Variants in NBPF11 observed in about 807,000 individuals in gnomAD.
NBPF11 encodes the protein NBPF family member NBPF11.
A neutral mutation model predicts 93.9 loss-of-function variants in NBPF11; 72 were observed. That is an observed-to-expected ratio of 0.77 (90% CI 0.63 to 0.93). The LOEUF is 0.93. Among genes scored for constraint, NBPF11 ranks in the 40% least tolerant of loss-of-function variants. The pLI is 0.00. For synonymous variants in NBPF11, 224 were observed against 304.9 expected (o/e 0.73, Z 2.76); for missense variants, 705 against 802.2 (o/e 0.88, Z 1.46).
rs1451631556 is a variant in NBPF11 at position 148,103,701 on chromosome 1, C to A, written c.*195G>T. The A allele has an allele frequency of 3.7e-6, 6 of 1,611,200 alleles. No individual in the cohort carries two copies. In the African/African-American group the frequency reaches 6.7e-5, roughly 18 times the overall value. ...GGGAATATGACTCCCATCTGGAAGA[C>A]CAGGTGGAGACTTCTCACCGTCAAA... is the stretch of plus-strand genomic sequence containing the variant. On this transcript the variant is annotated 3_prime_UTR_variant, in exon 24 of 24. Coordinates refer to ENST00000682118, the MANE Select transcript of NBPF11 (RefSeq NM_001385469.3).
At position 148,124,000 on chromosome 1, in the gene NBPF11, CT is replaced by C. The variant is rs1668504942; in HGVS notation, c.345del (p.Arg117GlufsTer7). On this transcript the variant is annotated frameshift_variant, in exon 7 of 24. Transcript: ENST00000682118. LOFTEE classifies it high-confidence loss of function. ...ELTQLREKLR[E>X]GRDASRSLNE... The stretch of plus-strand genomic sequence containing the variant: ...TTCAATGAGCGGGAGGCATCTCTCC[CT>C]TCCCGTAACTTCTCCCTTAACTGGG... 1 of 1,584,776 alleles carries C rather than the reference CT, an allele frequency of 6.3e-7. No homozygotes were observed. Among genetic ancestry groups the C allele is most frequent in the Non-Finnish European group, 8.7e-7 (1 of 1,155,516 alleles).
intron 7 of NBPF11, among the ~76,000 whole-genome samples, chr1:148,123,583 TC>T (rs1201697791): frequency 2.0e-5 from 3 of 151,396 alleles, no homozygotes; most frequent in Admixed American, 2.0e-4. Flanking sequence ...CATCACAGCC[TC>T]CTTCCTGTCC....
intron 6 of NBPF11, 113 bp from the exon 7 acceptor site, chr1:148,124,180 G>T (rs1455287519): frequency 6.2e-5 from 48 of 771,886 alleles, no homozygotes; most frequent in Non-Finnish European, 9.5e-5. Flanking sequence ...CAAGCAGAAG[G>T]TCAGCACATG....
chr1:148,143,969 A>G (rs2149299021), intron 1 of NBPF11, among the ~76,000 whole-genome samples: 1 of 150,326 alleles, frequency 6.7e-6, no homozygotes, highest in Admixed American at 6.6e-5. Flanking sequence ...CTGAGGCAGG[A>G]GGATTCCTTG....
chr1:148,149,265 A>G (rs1647609615), intron 1 of NBPF11: 1 of 1,595,512 alleles, frequency 6.3e-7, no homozygotes, highest in Non-Finnish European at 8.5e-7. Flanking sequence ...GTGGTGCTGC[A>G]CTCGCCGCTC....
intron 3 of NBPF11, among the ~76,000 whole-genome samples, chr1:148,136,765 A>G (rs1250516634): frequency 6.6e-6 from 1 of 151,820 alleles, no homozygotes; most frequent in Non-Finnish European, 1.5e-5. Context: ...CACATTAGGG[A>G]CAGATAAGCT....
chr1:148,110,269 C>A (rs1431761320), intron 16 of NBPF11, 109 bp downstream of exon 16: 30 of 1,438,150 alleles, frequency 2.1e-5, no homozygotes, highest in Middle Eastern at 2.5e-4. Context: ...TAGGTTCAGC[C>A]CACAGTGATG....
In NBPF11 at chr1:148,126,735, TAGA is replaced by T. The variant is rs1411034030; in HGVS notation, c.175+91_175+93del. 3 of 942,766 alleles carry T rather than the reference TAGA, an allele frequency of 3.2e-6. No homozygotes were observed. In the African/African-American group the frequency reaches 4.9e-5, roughly 15 times the overall value. The allele number at this position is 942,766 out of a possible 1,614,324, so 58.4% of individuals were successfully genotyped here. A position where few individuals can be genotyped will look rare whatever the true frequency, so the allele number is the denominator to read the frequency against. On this transcript the variant is annotated intron_variant, in intron 5 of 23. Transcript: ENST00000682118. ...GTTAAAATACCCATTTCTGTTTTCC[TAGA>T]AGTACAGGAAGGATGAAATTATTTT...
chr1:148,121,399 G>C lies in NBPF11; in HGVS notation c.778+656C>G, dbSNP rs1396863675. On this transcript the variant is annotated intron_variant, in intron 9 of 23. Coordinates refer to ENST00000682118, the MANE Select transcript of NBPF11 (RefSeq NM_001385469.3). The stretch of plus-strand genomic sequence containing the variant: ...GTCTCGCTCTGTCTCCCAGGCTGGA[G>C]TGCAGTGCCACAGTCTCGGCTCACT... 3.4e-4 allele frequency among the ~76,000 whole-genome samples: 49 copies of C among 143,552 alleles called. 1 individual carries two copies. The East Asian group carries it at 8.8e-3, about 26-fold the overall frequency. 94.2% of individuals were successfully genotyped at this position (143,552 alleles called of 152,430 possible). A position where few individuals can be genotyped will look rare whatever the true frequency, so the allele number is the denominator to read the frequency against.
chr1:148,137,335 C>A (rs2746956), intron 3 of NBPF11, among the ~76,000 whole-genome samples: 1 of 149,396 alleles, frequency 6.7e-6, no homozygotes, highest in Non-Finnish European at 1.5e-5. Flanking sequence ...TCAGAGTAGA[C>A]TGTCTCCCCG....
intron 5 of NBPF11, among the ~76,000 whole-genome samples, chr1:148,126,429 G>T (rs1335879305): frequency 1.3e-5 from 2 of 151,332 alleles, no homozygotes; most frequent in African/African-American, 4.9e-5. Flanking sequence ...CTAGAACAGA[G>T]CTTTGCCTGT....
chr1:148,105,498 C>T lies in NBPF11; in HGVS notation c.2334G>A (p.Glu778=). The T allele has an allele frequency of 9.7e-7, 1 of 1,032,018 alleles. No homozygotes were observed. Among genetic ancestry groups the T allele is most frequent in the Non-Finnish European group, 1.5e-6 (1 of 689,522 alleles). 63.9% of individuals were successfully genotyped at this position (1,032,018 alleles called of 1,614,324 possible). Residue 778 remains glutamate (E), a synonymous_variant, in exon 22 of 24, where the codon GAG becomes GAA. Transcript: ENST00000682118. ...RLSRELLEVV[E]PEVLQDSLDV... ...CCAGTGAGTCCTGCAAGACTTCAGGCTCTACTACCTCCAGCAGCTCCCTGC... is the reference window on the plus strand; with the variant it reads ...CCAGTGAGTCCTGCAAGACTTCAGGTTCTACTACCTCCAGCAGCTCCCTGC...
chr1:148,122,618 T>A (rs1411254515), intron 8 of NBPF11, 111 bp downstream of exon 8: 57 of 1,476,502 alleles, frequency 3.9e-5, no homozygotes, highest in Non-Finnish European at 5.2e-5. Context: ...TCACATACTG[T>A]GGCCAAGGGA....
intron 23 of NBPF11, 43 bp downstream of exon 23, chr1:148,104,494 G>A (rs1663052748): frequency 1.7e-6 from 1 of 588,378 alleles, no homozygotes; most frequent in African/African-American, 2.1e-5. Context: ...GTTGCCTCCA[G>A]GTGTTAACAC....
intron 9 of NBPF11, among the ~76,000 whole-genome samples, chr1:148,121,824 G>A (rs58545050): frequency 0.012 from 1,787 of 151,934 alleles, 32 homozygotes; most frequent in African/African-American, 0.041. Context: ...TGTATTCTTC[G>A]TAAAGATGGG....
chr1:148,116,254 C>A (rs1666510749), intron 13 of NBPF11, among the ~76,000 whole-genome samples: 1 of 152,032 alleles, frequency 6.6e-6, no homozygotes, highest in Non-Finnish European at 1.5e-5. Context: ...GAAGACTCAG[C>A]TATCCCTGTA....
chr1:148,122,649 A>T, intron 8 of NBPF11, 80 bp downstream of exon 8: 1 of 1,583,900 alleles, frequency 6.3e-7, no homozygotes, highest in South Asian at 1.1e-5. Flanking sequence ...TTGGCCCATC[A>T]TAGATGCCAG....
rs374698395 is a variant in NBPF11 at position 148,105,761 on chromosome 1, G to GAC, written c.2304-235_2304-234dup. On this transcript the variant is annotated intron_variant, in intron 21 of 23. Transcript: ENST00000682118. Reference sequence around the variant, plus strand: ...ACACACACACAAACACACACACAAAGACACACACACACACTGAGAGAGAGA... The same window carrying GAC: ...ACACACACACAAACACACACACAAAGACACACACACACACACTGAGAGAGAGA... Among the ~76,000 whole-genome samples, 556 of 89,336 alleles carry GAC rather than the reference G, an allele frequency of 6.2e-3. 5 individuals are homozygous for GAC. The highest frequency in any genetic ancestry group is 0.017 in the South Asian group (44 of 2,556). 58.6% of individuals were successfully genotyped at this position (89,336 alleles called of 152,430 possible).
chr1:148,106,873 G>C lies in NBPF11; in HGVS notation c.2251+69C>G. 4 of 792,318 alleles carry C rather than the reference G, an allele frequency of 5.0e-6. 1 individual carries two copies. Among genetic ancestry groups the C allele is most frequent in the Non-Finnish European group, 8.8e-6 (4 of 452,440 alleles). 49.1% of individuals were successfully genotyped at this position (792,318 alleles called of 1,614,324 possible). On this transcript the variant is annotated intron_variant, in intron 20 of 23. Coordinates refer to ENST00000682118, the MANE Select transcript of NBPF11 (RefSeq NM_001385469.3). ...TCTCTCGGGTCAGTAAGGGCCACTT[G>C]GAACAGGAATATCACCCCTATCTGG...
Sources: gnomAD v4.1 joint callset for allele counts (sites outside exome capture counted in the v4.1 genomes callset) on GRCh38, gnomAD v4.1.1 for gene constraint, MANE v1.5 for transcripts, NCBI Gene and HGNC (gene_info 2026-07-23, HGNC 2026-07-21) for gene names.